Variants in EIF4G3 observed in about 807,000 individuals in gnomAD.
The protein encoded by EIF4G3 is eIF-4-gamma 3.
EIF4G3 carries 34 observed loss-of-function variants against 186.4 expected under a neutral mutation model. The ratio of observed to expected loss-of-function variants is 0.18; its 90% CI spans 0.14 to 0.24. The LOEUF (loss-of-function observed/expected upper bound fraction) is 0.24, where lower values mean the gene tolerates loss of function less well. EIF4G3 is among the 10% of genes least tolerant of loss of function. The pLI is 1.00. For synonymous variants in EIF4G3, 673 were observed against 679.5 expected (o/e 0.99, Z 0.15); for missense variants, 1,536 against 1,948.5 (o/e 0.79, Z 3.99).
At chr1:20,822,847 T>C (rs370760714) in intron 33 of EIF4G3, among the ~76,000 whole-genome samples, 2 of 152,204 alleles carry the variant, frequency 1.3e-5, no homozygotes, top group African/African-American at 4.8e-5. Context: ...TCATGTTTGA[T>C]TTCTTCTTTG....
chr1:21,072,199 A>G (rs2095463170), intron 3 of EIF4G3, among the ~76,000 whole-genome samples: 2 of 152,122 alleles, frequency 1.3e-5, no homozygotes, highest in Admixed American at 1.3e-4. Flanking sequence ...CAAGATGACA[A>G]ATATATAATA....
At chr1:20,941,460 C>G in intron 14 of EIF4G3, 31 bp downstream of exon 14, 1 of 1,605,536 alleles carries the variant, frequency 6.2e-7, no homozygotes, top group Non-Finnish European at 8.5e-7. Flanking sequence ...TCATGTTCAG[C>G]AAGCACGAGA....
chr1:21,147,326 G>A (rs2097461127), intron 2 of EIF4G3, among the ~76,000 whole-genome samples: 1 of 151,922 alleles, frequency 6.6e-6, no homozygotes, highest in Non-Finnish European at 1.5e-5. Flanking sequence ...GTTTTGCTAA[G>A]TTTGTTTGTT....
chr1:20,886,434 C>A, intron 18 of EIF4G3, 63 bp from the exon 19 acceptor site: 3 of 1,522,752 alleles, frequency 2.0e-6, no homozygotes, highest in South Asian at 1.3e-5. Context: ...TTGTGCTGTT[C>A]AAGTCAAGTC....
chr1:20,938,369 A>G (rs2095588031), intron 14 of EIF4G3, among the ~76,000 whole-genome samples: 2 of 152,206 alleles, frequency 1.3e-5, no homozygotes, highest in African/African-American at 4.8e-5. Context: ...AGCAGAACTA[A>G]AAGATACCAT....
intron 14 of EIF4G3, among the ~76,000 whole-genome samples, chr1:20,926,321 G>A (rs1053973623): frequency 3.3e-5 from 5 of 152,166 alleles, no homozygotes; most frequent in African/African-American, 1.2e-4. Flanking sequence ...GTTGTTGTGA[G>A]GGTTAAAGAA....
intron 14 of EIF4G3, among the ~76,000 whole-genome samples, chr1:20,918,701 C>CTTTTTTTT (rs35704755): frequency 2.1e-5 from 2 of 94,890 alleles, no homozygotes; most frequent in African/African-American, 4.4e-5. Context: ...CTCCTAGTAT[C>CTTTTTTTT]TTTTTTTTTT....
intron 29 of EIF4G3, among the ~76,000 whole-genome samples, chr1:20,849,046 CAA>C (rs60344352): frequency 2.1e-3 from 36 of 17,400 alleles, no homozygotes; most frequent in African/African-American, 5.4e-3. Context: ...GACTCTGTCT[CAA>C]AAAAAAAAAA....
intron 2 of EIF4G3, among the ~76,000 whole-genome samples, chr1:21,160,560 C>T (rs1014941677): frequency 2.6e-5 from 4 of 152,144 alleles, no homozygotes; most frequent in Non-Finnish European, 5.9e-5. Flanking sequence ...ACCAAGTAGT[C>T]AAGGTAATCA....
intron 14 of EIF4G3, among the ~76,000 whole-genome samples, chr1:20,940,332 T>C (rs539599538): frequency 6.6e-6 from 1 of 152,240 alleles, no homozygotes; most frequent in East Asian, 1.9e-4. Context: ...ACTGTTCCAA[T>C]TGCCTTGCAT....
chr1:20,825,249 C>CATA, intron 32 of EIF4G3, 51 bp from the exon 33 acceptor site: 10 of 213,734 alleles, frequency 4.7e-5, no homozygotes, highest in African/African-American at 2.1e-4. Context: ...GAAGAAGAAA[C>CATA]AGAAAAAAAA....
chr1:20,953,536 T>C (rs2096296358), intron 12 of EIF4G3, among the ~76,000 whole-genome samples: 1 of 152,194 alleles, frequency 6.6e-6, no homozygotes, highest in Non-Finnish European at 1.5e-5. Flanking sequence ...AAACATAATG[T>C]TTACCTATTA....
At chr1:21,160,046 G>A (rs914357059) in intron 2 of EIF4G3, among the ~76,000 whole-genome samples, 1 of 151,260 alleles carries the variant, frequency 6.6e-6, no homozygotes, top group African/African-American at 2.4e-5. Flanking sequence ...GGCAGAGGTT[G>A]CAGTGAGCCG....
At chr1:21,100,328 T>C (rs2096487838) in intron 2 of EIF4G3, among the ~76,000 whole-genome samples, 1 of 152,210 alleles carries the variant, frequency 6.6e-6, no homozygotes, top group Non-Finnish European at 1.5e-5. Context: ...TTAATACAGT[T>C]AACTGTACAT....
At chr1:21,105,619 T>C (rs10916935) in intron 2 of EIF4G3, among the ~76,000 whole-genome samples, 60,770 of 151,970 alleles carry the variant, frequency 0.4, 12,767 homozygotes, top group Middle Eastern at 0.52. Flanking sequence ...GAGAGGAAGG[T>C]AATAGTATTC....
chr1:21,048,346 T>G (rs2094012599), intron 4 of EIF4G3, among the ~76,000 whole-genome samples: 1 of 152,140 alleles, frequency 6.6e-6, no homozygotes, highest in African/African-American at 2.4e-5. Flanking sequence ...TTGCCTGTAA[T>G]AAGAAAATGG....
intron 20 of EIF4G3, 101 bp downstream of exon 20, chr1:20,879,222 C>T: frequency 2.5e-6 from 2 of 811,316 alleles, no homozygotes; most frequent in Non-Finnish European, 3.6e-6. Context: ...AATATATTCT[C>T]CCCTTTATGT....
chr1:21,114,412 A>T (rs1393466432), intron 2 of EIF4G3, among the ~76,000 whole-genome samples: 1 of 152,196 alleles, frequency 6.6e-6, no homozygotes, highest in Non-Finnish European at 1.5e-5. Context: ...TACAGGCGTG[A>T]GCCACCGTGC....
At chr1:20,947,487 G>A (rs1311806192) in intron 13 of EIF4G3, among the ~76,000 whole-genome samples, 3 of 151,312 alleles carry the variant, frequency 2.0e-5, no homozygotes, top group Non-Finnish European at 4.4e-5. Context: ...TTAGCTATCG[G>A]CAGGCTATGG....
Sources: gnomAD v4.1 joint callset for allele counts (sites outside exome capture counted in the v4.1 genomes callset) on GRCh38, gnomAD v4.1.1 for gene constraint, MANE v1.5 for transcripts, NCBI Gene and HGNC (gene_info 2026-07-23, HGNC 2026-07-21) for gene names.